Variants in KIZ observed in about 807,000 individuals in gnomAD.
KIZ encodes the protein kizuna centrosomal protein, also known as centrosomal protein kizuna.
A neutral mutation model predicts 79.6 loss-of-function variants in KIZ; 68 were observed. That is an observed-to-expected ratio of 0.85 (90% confidence interval 0.70 to 1.05). The LOEUF (loss-of-function observed/expected upper bound fraction) is 1.05. Ranked by LOEUF, KIZ falls within the 50% of genes least tolerant of loss-of-function variation. The pLI, the probability that KIZ is intolerant of heterozygous loss-of-function variation, is 0.00. For synonymous variants in KIZ, 280 were observed against 281.8 expected (o/e 0.99, Z 0.06); for missense variants, 797 against 800.4 (o/e 1.00, Z 0.05).
chr20:21,221,733 A>G (rs906730535), intron 9 of KIZ, among the ~76,000 whole-genome samples: 1 of 152,200 alleles, frequency 6.6e-6, no homozygotes, highest in African/African-American at 2.4e-5. Flanking sequence ...AGTGCTTCCC[A>G]AAACATGATT....
At chr20:21,172,990 C>T (rs1183013922) in intron 6 of KIZ, among the ~76,000 whole-genome samples, 2 of 152,130 alleles carry the variant, frequency 1.3e-5, no homozygotes, top group African/African-American at 4.8e-5. Flanking sequence ...GCTGGTGCAC[C>T]TGAATCCGAA....
chr20:21,212,581 A>G (rs1044894257), intron 7 of KIZ, among the ~76,000 whole-genome samples: 4 of 152,194 alleles, frequency 2.6e-5, no homozygotes, highest in African/African-American at 9.7e-5. Context: ...CTGACTTACA[A>G]TTTTTTCAAT....
At chr20:21,227,165 C>T (rs572629306) in intron 9 of KIZ, among the ~76,000 whole-genome samples, 78 of 152,276 alleles carry the variant, frequency 5.1e-4, no homozygotes, top group African/African-American at 1.8e-3. Context: ...CCTGTTTGGG[C>T]AGAATGCTTA....
intron 4 of KIZ, among the ~76,000 whole-genome samples, chr20:21,152,861 C>G (rs1346541027): frequency 6.6e-6 from 1 of 152,168 alleles, no homozygotes; most frequent in Non-Finnish European, 1.5e-5. Flanking sequence ...TATACAAGTT[C>G]TATTCAGGGT....
At chr20:21,145,935 T>A (rs1477287720) in intron 4 of KIZ, among the ~76,000 whole-genome samples, 1 of 152,234 alleles carries the variant, frequency 6.6e-6, no homozygotes, top group Non-Finnish European at 1.5e-5. Context: ...TTGTAGCTGC[T>A]CTTTTCTTAG....
chr20:21,191,940 C>T (rs929926493), intron 6 of KIZ, among the ~76,000 whole-genome samples: 7 of 151,984 alleles, frequency 4.6e-5, no homozygotes, highest in East Asian at 1.9e-4. Flanking sequence ...GCTCCCTTAT[C>T]GAGAATGTTT....
In KIZ at chr20:21,205,949, CAA is replaced by C. The variant is rs113459299; in HGVS notation, c.1446+377_1446+378del. Among the ~76,000 whole-genome samples the C allele has an allele frequency of 1.1e-4, 14 of 123,718 alleles. No homozygotes were observed. The East Asian group carries it at 2.3e-3, about 21-fold the overall frequency. 81.2% of individuals were successfully genotyped at this position (123,718 alleles called of 152,430 possible). A position where few individuals can be genotyped will look rare whatever the true frequency, so the allele number is the denominator to read the frequency against. The stretch of plus-strand genomic sequence containing the variant: ...GCACTCCAGCCTGGTGACACCATCT[CAA>C]AAAAAAAAAAAGTCTCAAGATGTGC... On this transcript the variant is annotated intron_variant, in intron 7 of 12. Coordinates refer to ENST00000619189, the MANE Select transcript of KIZ (RefSeq NM_018474.6).
chr20:21,184,079 A>C (rs1449218584), intron 6 of KIZ, among the ~76,000 whole-genome samples: 2 of 152,028 alleles, frequency 1.3e-5, no homozygotes, highest in Non-Finnish European at 2.9e-5. Context: ...CGTCAGAATA[A>C]AACTGGGTTC....
chr20:21,149,830 A>G (rs1483381837), intron 4 of KIZ, among the ~76,000 whole-genome samples: 2 of 152,230 alleles, frequency 1.3e-5, no homozygotes, highest in Admixed American at 1.3e-4. Context: ...GGGAGAAAGG[A>G]ATCCTAAAAC....
At chr20:21,191,139 T>C (rs1330103008) in intron 6 of KIZ, among the ~76,000 whole-genome samples, 1 of 152,248 alleles carries the variant, frequency 6.6e-6, no homozygotes, top group African/African-American at 2.4e-5. Flanking sequence ...TTCCACCATT[T>C]TTCCCTCATA....
At chr20:21,232,295 G>A (rs1035212304) in intron 10 of KIZ, among the ~76,000 whole-genome samples, 5 of 152,188 alleles carry the variant, frequency 3.3e-5, no homozygotes, top group Middle Eastern at 3.2e-3. Flanking sequence ...CTGTGGGATG[G>A]AAAATAGAGG....
intron 7 of KIZ, among the ~76,000 whole-genome samples, chr20:21,209,683 T>C (rs1167295721): frequency 6.6e-6 from 1 of 152,290 alleles, no homozygotes; most frequent in Non-Finnish European, 1.5e-5. Context: ...TTACTTCCAG[T>C]GTCCAAGAGG....
chr20:21,229,424 C>G (rs1256030001), intron 10 of KIZ, among the ~76,000 whole-genome samples: 1 of 152,226 alleles, frequency 6.6e-6, no homozygotes, highest in African/African-American at 2.4e-5. Context: ...CCTTCTCTTC[C>G]CCACAGCTAC....
chr20:21,173,624 T>C (rs1461466216), intron 6 of KIZ, among the ~76,000 whole-genome samples: 2 of 145,842 alleles, frequency 1.4e-5, no homozygotes, highest in African/African-American at 5.1e-5. Flanking sequence ...TCTTTATGGA[T>C]TGGGTGTGGG....
At chr20:21,127,693 A>G (rs922162283) in intron 1 of KIZ, among the ~76,000 whole-genome samples, 1 of 152,224 alleles carries the variant, frequency 6.6e-6, no homozygotes, top group Non-Finnish European at 1.5e-5. Context: ...TGCACACTGG[A>G]CACAGTTATA....
intron 1 of KIZ, among the ~76,000 whole-genome samples, chr20:21,127,941 A>G (rs2031587749): frequency 6.6e-6 from 1 of 152,230 alleles, no homozygotes. Context: ...TGAAAGCTGT[A>G]GTTTTGCAAA....
intron 6 of KIZ, among the ~76,000 whole-genome samples, chr20:21,190,120 A>T (rs1308447997): frequency 6.6e-6 from 1 of 152,218 alleles, no homozygotes; most frequent in African/African-American, 2.4e-5. Context: ...GTCAGGCTTG[A>T]GATAGTCGCT....
intron 6 of KIZ, among the ~76,000 whole-genome samples, chr20:21,182,473 C>T (rs958981772): frequency 1.3e-5 from 2 of 152,092 alleles, no homozygotes; most frequent in African/African-American, 4.8e-5. Context: ...TATAATTGTT[C>T]TAGACTAAGG....
chr20:21,205,440 A>C, intron 6 of KIZ, 51 bp from the exon 7 acceptor site: 1 of 743,510 alleles, frequency 1.3e-6, no homozygotes, highest in Admixed American at 2.8e-5. Flanking sequence ...AAAATGTGGG[A>C]ATCTTATAAT....
Sources: allele counts gnomAD v4.1 joint callset (sites outside exome capture counted in the v4.1 genomes callset), GRCh38; gene constraint gnomAD v4.1.1; transcripts MANE v1.5; gene names NCBI Gene and HGNC (gene_info 2026-07-23, HGNC 2026-07-21).